DLC1: variants seen among roughly 807,000 people sequenced by gnomAD.
The protein encoded by DLC1 is rho GTPase-activating protein 7.
A neutral mutation model predicts 140.3 loss-of-function variants in DLC1; 54 were observed. The observed-to-expected ratio is 0.38, with a 90% CI of 0.31 to 0.48. DLC1 has a LOEUF of 0.48. Among genes scored for constraint, DLC1 ranks in the 20% least tolerant of loss-of-function variants. The pLI, the probability that DLC1 is intolerant of heterozygous loss-of-function variation, is 0.96. For missense variants in DLC1, 2,536 were observed against 1,907.0 expected (o/e 1.33, Z -6.14); for synonymous variants, 986 against 728.1 (o/e 1.35, Z -5.70).
chr8:13,467,449 A>G (rs1799989974), intron 2 of DLC1, among the ~76,000 whole-genome samples: 1 of 66,932 alleles, frequency 1.5e-5, no homozygotes, highest in Admixed American at 1.7e-4. Flanking sequence ...CTCTTCTTAT[A>G]TTCCTTTTTT....
chr8:13,291,487 C>T (rs1218627912), intron 5 of DLC1, among the ~76,000 whole-genome samples: 2 of 151,906 alleles, frequency 1.3e-5, no homozygotes, highest in African/African-American at 2.4e-5. Flanking sequence ...AGAGAAAGAC[C>T]AATATCAGAG....
At chr8:13,601,966 T>C (rs1025526508) in intron 1 of DLC1, among the ~76,000 whole-genome samples, 3 of 151,834 alleles carry the variant, frequency 2.0e-5, no homozygotes, top group Non-Finnish European at 4.4e-5. Flanking sequence ...TTAAAATATA[T>C]GGCATTGAGC....
At chr8:13,136,597 C>G (rs1260668092) in intron 5 of DLC1, among the ~76,000 whole-genome samples, 1 of 152,210 alleles carries the variant, frequency 6.6e-6, no homozygotes, top group East Asian at 1.9e-4. Context: ...AGCCGAATGT[C>G]TGTGCATCCC....
At chr8:13,416,310 C>T (rs527914199) in intron 2 of DLC1, among the ~76,000 whole-genome samples, 2 of 152,204 alleles carry the variant, frequency 1.3e-5, no homozygotes, top group Admixed American at 1.3e-4. Context: ...CCAATGAAAA[C>T]AATCTCCATA....
intron 4 of DLC1, among the ~76,000 whole-genome samples, chr8:13,363,172 C>T (rs1835317783): frequency 6.6e-6 from 1 of 152,074 alleles, no homozygotes; most frequent in Non-Finnish European, 1.5e-5. Flanking sequence ...ACATGAGAGC[C>T]CATGGAACTA....
chr8:13,102,024 G>A (rs1819137276), intron 8 of DLC1, among the ~76,000 whole-genome samples: 1 of 152,174 alleles, frequency 6.6e-6, no homozygotes, highest in African/African-American at 2.4e-5. Context: ...AGTGGGCGCT[G>A]AGGTTCCAGT....
intron 5 of DLC1, among the ~76,000 whole-genome samples, chr8:13,259,024 C>A (rs971640703): frequency 4.0e-5 from 6 of 151,420 alleles, no homozygotes; most frequent in African/African-American, 1.5e-4. Context: ...GTACTCCCAG[C>A]TACTCTGGAG....
In DLC1 at chr8:13,312,386, A is replaced by AAAATAAT. The variant is rs71207139; in HGVS notation, c.1315-7085_1315-7084insATTATTT. 1.3e-4 allele frequency among the ~76,000 whole-genome samples: 11 copies of AAAATAAT among 81,678 alleles called. 1 individual carries two copies. The highest frequency in any genetic ancestry group is 4.5e-4 in the South Asian group (1 of 2,202). 53.6% of individuals were successfully genotyped at this position (81,678 alleles called of 152,430 possible). On this transcript the variant is annotated intron_variant, in intron 4 of 17. Transcript: ENST00000276297. ...AAAAAAAAAAAAAAAAAAAAAAAAA[A>AAAATAAT]AATAATTTCTTTAGCAAGCTAGATA...
intron 2 of DLC1, among the ~76,000 whole-genome samples, chr8:13,490,052 C>CA (rs1208313294): frequency 0.11 from 16,323 of 150,816 alleles, 1,186 homozygotes; most frequent in South Asian, 0.19. Flanking sequence ...GTTAAATACA[C>CA]CCCCCACTTT....
chr8:13,224,504 C>T (rs1039634045), intron 5 of DLC1, among the ~76,000 whole-genome samples: 1 of 152,252 alleles, frequency 6.6e-6, no homozygotes, highest in East Asian at 1.9e-4. Flanking sequence ...TGGACAAAGG[C>T]AGGCTTAGAC....
chr8:13,084,141 T>A lies in DLC1; in HGVS notation c.*1670A>T, dbSNP rs145280350. 4.6e-5 allele frequency: 7 copies of A among 152,760 alleles called. No individual in the cohort carries two copies. The highest frequency in any genetic ancestry group is 1.7e-4 in the African/African-American group (7 of 41,576). The allele number at this position is 152,760 out of a possible 1,614,324, so 9.5% of individuals were successfully genotyped here. A position where few individuals can be genotyped will look rare whatever the true frequency, so the allele number is the denominator to read the frequency against. ...CTTAAATAATAATCTTTATCATGCT[T>A]TATCTATGTTTGAAAGCACAGTGGA... On this transcript the variant is annotated 3_prime_UTR_variant, in exon 18 of 18. Coordinates refer to ENST00000276297, the MANE Select transcript of DLC1 (RefSeq NM_182643.3).
intron 4 of DLC1, among the ~76,000 whole-genome samples, chr8:13,357,163 C>T (rs1011238920): frequency 2.0e-5 from 3 of 152,056 alleles, no homozygotes; most frequent in Admixed American, 6.6e-5. Flanking sequence ...CTCAGCTACT[C>T]GTGAGGCCAA....
At chr8:13,216,926 C>T (rs1407657033) in intron 5 of DLC1, among the ~76,000 whole-genome samples, 6 of 152,150 alleles carry the variant, frequency 3.9e-5, no homozygotes, top group African/African-American at 1.4e-4. Flanking sequence ...TGATGTGGGA[C>T]AGGTGTGCCT....
intron 2 of DLC1, among the ~76,000 whole-genome samples, chr8:13,438,707 A>C (rs928569384): frequency 6.6e-6 from 1 of 152,088 alleles, no homozygotes; most frequent in African/African-American, 2.4e-5. Context: ...TCACAGGCTC[A>C]CTTCCCCAAT....
intron 4 of DLC1, among the ~76,000 whole-genome samples, chr8:13,365,599 A>T (rs1438981000): frequency 6.6e-6 from 1 of 152,106 alleles, no homozygotes; most frequent in African/African-American, 2.4e-5. Context: ...TGCTTAATGA[A>T]GCACTTACAG....
chr8:13,276,679 C>A, intron 5 of DLC1: 10 of 1,005,654 alleles, frequency 9.9e-6, no homozygotes, highest in Non-Finnish European at 1.2e-5. Context: ...GCTTCCTGTG[C>A]AACCCAATGA....
At chr8:13,569,032 G>C (rs1804552295) in intron 1 of DLC1, among the ~76,000 whole-genome samples, 2 of 152,186 alleles carry the variant, frequency 1.3e-5, no homozygotes, top group African/African-American at 4.8e-5. Context: ...TGGTCGTGAA[G>C]ATTTTATGAA....
chr8:13,114,954 C>G (rs1255371520), intron 6 of DLC1, among the ~76,000 whole-genome samples: 1 of 152,150 alleles, frequency 6.6e-6, no homozygotes, highest in Non-Finnish European at 1.5e-5. Flanking sequence ...TTCTTTATTA[C>G]CCAGTAATTC....
intron 1 of DLC1, among the ~76,000 whole-genome samples, chr8:13,511,689 A>C (rs1032196841): frequency 6.6e-6 from 1 of 152,134 alleles, no homozygotes; most frequent in Non-Finnish European, 1.5e-5. Flanking sequence ...GAAAGTTTTC[A>C]GTGTTCCCTT....
Sources: gnomAD v4.1 joint callset for allele counts (sites outside exome capture counted in the v4.1 genomes callset) on GRCh38, gnomAD v4.1.1 for gene constraint, MANE v1.5 for transcripts, NCBI Gene and HGNC (gene_info 2026-07-23, HGNC 2026-07-21) for gene names.